The following PRMT3 variants were observed in gnomAD, a reference collection of about 807,000 sequenced individuals.
The protein encoded by PRMT3 is protein arginine methyltransferase 3.
A neutral mutation model predicts 71.9 loss-of-function variants in PRMT3; 62 were observed. That is an observed-to-expected ratio of 0.86 (90% confidence interval 0.70 to 1.07). The LOEUF (loss-of-function observed/expected upper bound fraction) is 1.07. Ranked by LOEUF, PRMT3 falls within the 50% of genes least tolerant of loss-of-function variation. The pLI is 0.00. For synonymous variants in PRMT3, 213 were observed against 220.4 expected, an observed-to-expected ratio of 0.97 and a Z score of 0.30; for missense variants, 663 against 643.0, an observed-to-expected ratio of 1.03 and a Z score of -0.34.
intron 10 of PRMT3, among the ~76,000 whole-genome samples, chr11:20,448,597 A>G (rs1306059558): frequency 2.0e-5 from 3 of 151,924 alleles, no homozygotes; most frequent in African/African-American, 7.2e-5. Flanking sequence ...AATTTTGCCT[A>G]GAGATGTATC....
chr11:20,427,166 T>A (rs963140356), intron 10 of PRMT3, among the ~76,000 whole-genome samples: 4 of 152,182 alleles, frequency 2.6e-5, no homozygotes, highest in African/African-American at 7.2e-5. Context: ...TTTAGATACC[T>A]AAGTGTTTGC....
chr11:20,505,050 CTGT>C (rs1851558254), intron 15 of PRMT3, among the ~76,000 whole-genome samples: 1 of 152,102 alleles, frequency 6.6e-6, no homozygotes, highest in Non-Finnish European at 1.5e-5. Flanking sequence ...TTTTTTGAAG[CTGT>C]TGTTTGTAGT....
chr11:20,508,710 C>T lies in PRMT3; in HGVS notation c.*297C>T, dbSNP rs1851658196. On this transcript the variant is annotated 3_prime_UTR_variant, in exon 16 of 16. Coordinates refer to ENST00000331079, the MANE Select transcript of PRMT3 (RefSeq NM_005788.4). The stretch of plus-strand genomic sequence containing the variant: ...TATATTGAAAATCATTTACATTGGC[C>T]TATATTTGGAAGAGAGATAGTCTTT... 2.3e-6 allele frequency: 1 copy of T among 437,390 alleles called. No homozygotes were observed. The highest frequency in any genetic ancestry group is 2.9e-5 in the Admixed American group (1 of 34,756). 27.1% of individuals were successfully genotyped at this position (437,390 alleles called of 1,614,324 possible).
intron 13 of PRMT3, among the ~76,000 whole-genome samples, chr11:20,477,859 A>T (rs1350288837): frequency 7.1e-6 from 1 of 140,424 alleles, no homozygotes; most frequent in African/African-American, 2.6e-5. Context: ...CCACTCCAAT[A>T]AGTAACGTGA....
At chr11:20,446,283 G>A (rs1038646430) in intron 10 of PRMT3, among the ~76,000 whole-genome samples, 4 of 151,876 alleles carry the variant, frequency 2.6e-5, no homozygotes, top group Middle Eastern at 3.4e-3. Context: ...TACTAATGAA[G>A]TAATATATTT....
chr11:20,421,429 A>G (rs1010254914), intron 9 of PRMT3, among the ~76,000 whole-genome samples: 6 of 152,192 alleles, frequency 3.9e-5, no homozygotes, highest in Admixed American at 2.6e-4. Context: ...ACATCCCCCA[A>G]TAAATGTTGG....
At chr11:20,430,016 A>G (rs772834004) in intron 10 of PRMT3, among the ~76,000 whole-genome samples, 1 of 152,342 alleles carries the variant, frequency 6.6e-6, no homozygotes, top group South Asian at 2.1e-4. Context: ...TATGCTTTCT[A>G]AACTTTATCC....
chr11:20,492,881 A>AC (rs1851241195), intron 13 of PRMT3, among the ~76,000 whole-genome samples: 1 of 152,070 alleles, frequency 6.6e-6, no homozygotes, highest in Non-Finnish European at 1.5e-5. Context: ...ACATGGTGAA[A>AC]CCCCATCTCT....
At chr11:20,502,250 C>A (rs1306770265) in intron 15 of PRMT3, among the ~76,000 whole-genome samples, 1 of 152,184 alleles carries the variant, frequency 6.6e-6, no homozygotes, top group Non-Finnish European at 1.5e-5. Context: ...ATTAATTACT[C>A]TGATTCATTC....
rs981782467 is a variant in PRMT3, at chr11:20,388,171, G to T, written c.164+17G>T. The T allele has an allele frequency of 1.3e-5, 21 of 1,613,660 alleles. No homozygotes were observed. The highest frequency in any genetic ancestry group is 1.6e-5 in the Non-Finnish European group (19 of 1,179,976). On this transcript the variant is annotated intron_variant, in intron 2 of 15. Coordinates refer to ENST00000331079, the MANE Select transcript of PRMT3 (RefSeq NM_005788.4). Reference sequence around the variant, plus strand: ...CTGTAACAGGTTCGTCCGCCTCAGCGCCTGGCCTCTGCCCTAGGGTGCCCG... The same window carrying T: ...CTGTAACAGGTTCGTCCGCCTCAGCTCCTGGCCTCTGCCCTAGGGTGCCCG...
chr11:20,436,260 C>G (rs1375102850), intron 10 of PRMT3, among the ~76,000 whole-genome samples: 2 of 152,142 alleles, frequency 1.3e-5, no homozygotes, highest in Non-Finnish European at 2.9e-5. Flanking sequence ...AATTTGTCTC[C>G]CTTCTTTCCA....
intron 15 of PRMT3, among the ~76,000 whole-genome samples, chr11:20,505,363 T>C (rs190798501): frequency 6.6e-6 from 1 of 152,314 alleles, no homozygotes; most frequent in African/African-American, 2.4e-5. Context: ...CAAGTGTCCA[T>C]TATCTGTCTT....
intron 13 of PRMT3, among the ~76,000 whole-genome samples, chr11:20,469,333 T>G (rs1002320408): frequency 6.6e-6 from 1 of 152,252 alleles, no homozygotes; most frequent in African/African-American, 2.4e-5. Context: ...TGTGTAATAT[T>G]CGCTTACTCT....
intron 10 of PRMT3, among the ~76,000 whole-genome samples, chr11:20,446,929 T>C (rs535746522): frequency 6.6e-6 from 1 of 152,286 alleles, no homozygotes; most frequent in East Asian, 1.9e-4. Flanking sequence ...GGAAAGTATC[T>C]TACCCAAAAG....
chr11:20,414,745 G>T (rs555911137), intron 9 of PRMT3, among the ~76,000 whole-genome samples: 4 of 152,092 alleles, frequency 2.6e-5, no homozygotes, highest in African/African-American at 7.2e-5. Context: ...CTCAATCTCA[G>T]TTTGACATTA....
At chr11:20,407,239 GT>G (rs1206204697) in intron 8 of PRMT3, 3 of 151,968 alleles carry the variant, frequency 2.0e-5, no homozygotes, top group Non-Finnish European at 4.4e-5. Flanking sequence ...TTTTGTAAAT[GT>G]TTTATTTTAA....
At chr11:20,446,613 G>C (rs1324887768) in intron 10 of PRMT3, among the ~76,000 whole-genome samples, 5 of 151,936 alleles carry the variant, frequency 3.3e-5, no homozygotes, top group African/African-American at 1.2e-4. Context: ...TACAGTTGTG[G>C]GAATACAAAT....
chr11:20,504,309 C>T (rs1187818587), intron 15 of PRMT3, among the ~76,000 whole-genome samples: 2 of 152,158 alleles, frequency 1.3e-5, no homozygotes, highest in African/African-American at 4.8e-5. Flanking sequence ...TGACCATATG[C>T]ATATAGATCT....
chr11:20,387,819 C>A lies in PRMT3; in HGVS notation c.28+45C>A. On this transcript the variant is annotated intron_variant, in intron 1 of 15. Transcript: ENST00000331079. The surrounding 1 kb of genome is among the most constrained non-coding windows in gnomAD (Gnocchi z 4.3). ...AGCACCCGGCTCGTCCAGCCCCAGGCCGCGCCGCTGTGGGGCCGGTGGAAG... is the reference window on the plus strand; with the variant it reads ...AGCACCCGGCTCGTCCAGCCCCAGGACGCGCCGCTGTGGGGCCGGTGGAAG... 6.5e-7 allele frequency: 1 copy of A among 1,539,874 alleles called. No homozygotes were observed. Among genetic ancestry groups the A allele is most frequent in the Non-Finnish European group, 8.7e-7 (1 of 1,145,524 alleles).
Sources: allele counts gnomAD v4.1 joint callset (sites outside exome capture counted in the v4.1 genomes callset), GRCh38; gene constraint gnomAD v4.1.1; non-coding constraint Gnocchi (gnomAD v3.1); transcripts MANE v1.5; gene names NCBI Gene and HGNC (gene_info 2026-07-23, HGNC 2026-07-21).